KIAA1549: variants seen among roughly 807,000 people sequenced by gnomAD.
KIAA1549 encodes UPF0606 protein KIAA1549.
Under a neutral mutation model 156.4 loss-of-function variants are expected in KIAA1549, and 70 were observed. The observed-to-expected ratio is 0.45, with a 90% CI of 0.37 to 0.55. The LOEUF is 0.55. Ranked by LOEUF, KIAA1549 falls within the 20% of genes least tolerant of loss-of-function variation. The probability of loss-of-function intolerance (pLI) is 0.00; values close to 1 mark genes in which losing one functional copy is unlikely to be tolerated. For synonymous variants in KIAA1549, 1,103 were observed against 1,066.4 expected (o/e 1.03, Z -0.67); for missense variants, 2,428 against 2,540.9 (o/e 0.96, Z 0.96).
At chr7:138,854,695 T>A (rs1289762396) in intron 16 of KIAA1549, among the ~76,000 whole-genome samples, 2 of 152,152 alleles carry the variant, frequency 1.3e-5, no homozygotes, top group African/African-American at 4.8e-5. Context: ...TTCCACTAGA[T>A]TAAGCTGCTA....
intron 19 of KIAA1549, 118 bp from the exon 20 acceptor site, chr7:138,838,278 T>TCTAACAGGGCCCTGCTG: frequency 9.4e-7 from 1 of 1,058,452 alleles, no homozygotes; most frequent in East Asian, 2.7e-5. Flanking sequence ...AACTCAGCCC[T>TCTAACAGGGCCCTGCTG]CTAACAGGGC....
At chr7:138,976,522 A>T (rs1406944755) in intron 1 of KIAA1549, among the ~76,000 whole-genome samples, 8 of 152,218 alleles carry the variant, frequency 5.3e-5, no homozygotes, top group Admixed American at 5.2e-4. Context: ...GATACAGCAT[A>T]TTCACGTTTT....
rs182762512 is a variant in KIAA1549, at chr7:138,885,375, C to T, written c.4033-3791G>A. On this transcript the variant is annotated intron_variant, in intron 10 of 19. Transcript: ENST00000422774. The stretch of plus-strand genomic sequence containing the variant: ...TGGCATGACATCCTGTTTCCAAACA[C>T]CTCATTCTGCTCATAGCCCTAGCAG... 3.8e-3 allele frequency among the ~76,000 whole-genome samples: 574 copies of T among 152,336 alleles called. 3 individuals carry two copies. The highest frequency in any genetic ancestry group is 6.2e-3 in the Non-Finnish European group (424 of 68,028).
intron 16 of KIAA1549, among the ~76,000 whole-genome samples, chr7:138,859,483 A>G (rs1038106591): frequency 6.6e-6 from 1 of 152,122 alleles, no homozygotes; most frequent in Non-Finnish European, 1.5e-5. Flanking sequence ...TAAACTGATC[A>G]GTACTCAAAC....
intron 1 of KIAA1549, among the ~76,000 whole-genome samples, chr7:138,974,305 G>C (rs549574635): frequency 6.6e-6 from 1 of 152,128 alleles, no homozygotes; most frequent in African/African-American, 2.4e-5. Flanking sequence ...CGGTGAGGTG[G>C]AGGGTGGCGG....
intron 17 of KIAA1549, among the ~76,000 whole-genome samples, chr7:138,848,549 T>C (rs554450825): frequency 6.6e-6 from 1 of 152,352 alleles, no homozygotes; most frequent in African/African-American, 2.4e-5. Context: ...CTTTTGTGTC[T>C]ACTGCTGGTT....
chr7:138,849,165 TATCA>T (rs1810165862), intron 17 of KIAA1549, among the ~76,000 whole-genome samples: 1 of 152,226 alleles, frequency 6.6e-6, no homozygotes, highest in Non-Finnish European at 1.5e-5. Flanking sequence ...TGTGCGAGTC[TATCA>T]ATTTTATTAG....
chr7:138,875,975 T>C (rs1811074065), intron 12 of KIAA1549, among the ~76,000 whole-genome samples: 2 of 151,866 alleles, frequency 1.3e-5, no homozygotes, highest in African/African-American at 4.8e-5. Flanking sequence ...TTTTCTGTTT[T>C]TTTTTTTGTA....
At chr7:138,944,517 T>C (rs910163761) in intron 1 of KIAA1549, among the ~76,000 whole-genome samples, 6 of 152,080 alleles carry the variant, frequency 3.9e-5, no homozygotes, top group Admixed American at 1.3e-4. Flanking sequence ...CATAGAATTA[T>C]CACACAACCC....
chr7:138,946,753 T>C (rs565469578), intron 1 of KIAA1549, among the ~76,000 whole-genome samples: 76 of 152,324 alleles, frequency 5.0e-4, no homozygotes, highest in African/African-American at 1.6e-3. Flanking sequence ...GACTCCAGCC[T>C]GAGCAATGGA....
intron 14 of KIAA1549, among the ~76,000 whole-genome samples, chr7:138,869,021 C>T (rs1299771375): frequency 1.3e-5 from 2 of 152,142 alleles, no homozygotes; most frequent in Non-Finnish European, 2.9e-5. Flanking sequence ...GCATCTATGT[C>T]GGGGACGGGA....
rs922365210 is a variant in KIAA1549, at chr7:138,832,900, A to G, written c.*5006T>C. ...GCACATCCTCCTTGTTCATTAGGTA[A>G]CAAGTGTTAAGTCTATCATAGTTGA... On this transcript the variant is annotated 3_prime_UTR_variant, in exon 20 of 20. Coordinates refer to ENST00000422774, the MANE Select transcript of KIAA1549 (RefSeq NM_001164665.2). The G allele has an allele frequency of 4.3e-6, 1 of 230,034 alleles. No homozygotes were observed. The highest frequency in any genetic ancestry group is 8.6e-6 in the Non-Finnish European group (1 of 116,118). 14.2% of individuals were successfully genotyped at this position (230,034 alleles called of 1,614,324 possible). A position where few individuals can be genotyped will look rare whatever the true frequency, so the allele number is the denominator to read the frequency against.
At chr7:138,937,153 C>T (rs946313593) in intron 1 of KIAA1549, among the ~76,000 whole-genome samples, 24 of 152,034 alleles carry the variant, frequency 1.6e-4, no homozygotes, top group African/African-American at 5.6e-4. Flanking sequence ...GCCCATGCCC[C>T]AGCTATTCGA....
At chr7:138,933,015 G>A (rs1444440776) in intron 1 of KIAA1549, among the ~76,000 whole-genome samples, 1 of 152,202 alleles carries the variant, frequency 6.6e-6, no homozygotes, top group East Asian at 1.9e-4. Context: ...GTCGGTACTG[G>A]GGAAGGGTCG....
chr7:138,937,627 A>G (rs1813055587), intron 1 of KIAA1549, among the ~76,000 whole-genome samples: 1 of 152,146 alleles, frequency 6.6e-6, no homozygotes, highest in Non-Finnish European at 1.5e-5. Flanking sequence ...GAGAGACAGG[A>G]AGGCTGCTCC....
rs905666267 is a variant in KIAA1549 at position 138,871,358 on chromosome 7, T to C, written c.4350A>G (p.Pro1450=). 2.6e-6 allele frequency: 4 copies of C among 1,530,546 alleles called. No individual in the cohort carries two copies. The African/African-American group carries it at 5.6e-5, about 21-fold the overall frequency. The allele number at this position is 1,530,546 out of a possible 1,614,324, so 94.8% of individuals were successfully genotyped here. A position where few individuals can be genotyped will look rare whatever the true frequency, so the allele number is the denominator to read the frequency against. The change falls in exon 13 of 20, where the codon CCA becomes CCG. Residue 1450 remains proline, a synonymous_variant. Coordinates refer to ENST00000422774, the MANE Select transcript of KIAA1549 (RefSeq NM_001164665.2). ...GRSHRAPQSG[P]PLPSSGNEQH... ...GCTCATTTCCCGAACTGGGCAGTGG[T>C]GGCCCTGGAACAGAAGGAAAAGCAA...
chr7:138,900,416 G>C (rs1181055254), intron 8 of KIAA1549, among the ~76,000 whole-genome samples: 1 of 152,182 alleles, frequency 6.6e-6, no homozygotes, highest in Admixed American at 6.5e-5. Flanking sequence ...ATATCCATCT[G>C]TCTCTCTACC....
In KIAA1549 at chr7:138,901,376, A is replaced by T. The variant is rs10237028; in HGVS notation, c.3669+2212T>A. Among the ~76,000 whole-genome samples the T allele has an allele frequency of 3.1e-3, 444 of 143,628 alleles. 6 individuals carry two copies. Among genetic ancestry groups the T allele is most frequent in the African/African-American group, 0.012 (440 of 38,220 alleles). 94.2% of individuals were successfully genotyped at this position (143,628 alleles called of 152,430 possible). A position where few individuals can be genotyped will look rare whatever the true frequency, so the allele number is the denominator to read the frequency against. On this transcript the variant is annotated intron_variant, in intron 8 of 19. Coordinates refer to ENST00000422774, the MANE Select transcript of KIAA1549 (RefSeq NM_001164665.2). ...AGTCTCACTCTGTCCCCGAGGCTGGAGTGCATTGGTGTGATCTTAGCTCAC... is the reference window on the plus strand; with the variant it reads ...AGTCTCACTCTGTCCCCGAGGCTGGTGTGCATTGGTGTGATCTTAGCTCAC...
chr7:138,838,050 C>A lies in KIAA1549; in HGVS notation c.5709G>T (p.Leu1903=), dbSNP rs1809793044. 5 of 1,601,090 alleles carry A rather than the reference C, an allele frequency of 3.1e-6. No individual in the cohort carries two copies. The highest frequency in any genetic ancestry group is 1.7e-5 in the Admixed American group (1 of 57,772). The stretch of plus-strand genomic sequence containing the variant: ...TGGGGTAACCCAGCCCAGGGCCCTG[C>A]AGTCCCCGGTGGGGGAGGTTCCCGG... The part of the protein sequence containing the change: ...APSGNLPHRG[L]QGPGLGYPTS... The change falls in exon 20 of 20, where the codon CTG becomes CTT. Residue 1903 remains leucine, a synonymous_variant. Transcript: ENST00000422774.
Sources: gnomAD v4.1 joint callset for allele counts (sites outside exome capture counted in the v4.1 genomes callset) on GRCh38, gnomAD v4.1.1 for gene constraint, MANE v1.5 for transcripts, NCBI Gene and HGNC (gene_info 2026-07-23, HGNC 2026-07-21) for gene names.